DNAJC6: variants seen among roughly 807,000 people sequenced by gnomAD.
DNAJC6 encodes auxilin.
Under a neutral mutation model 110.0 loss-of-function variants are expected in DNAJC6, and 34 were observed. The ratio of observed to expected loss-of-function variants is 0.31; its 90% CI spans 0.24 to 0.41. The LOEUF (loss-of-function observed/expected upper bound fraction) is 0.41. Ranked by LOEUF, DNAJC6 falls within the 10% of genes least tolerant of loss-of-function variation. DNAJC6 has a pLI of 1.00. For synonymous variants in DNAJC6, 406 were observed against 437.2 expected (o/e 0.93, Z 0.89); for missense variants, 1,031 against 1,207.8 (o/e 0.85, Z 2.17).
At chr1:65,386,953 G>A in intron 8 of DNAJC6, 24 bp downstream of exon 8, 1 of 1,580,270 alleles carries the variant, frequency 6.3e-7, no homozygotes, top group Non-Finnish European at 8.7e-7. Context: ...AAGAATCATG[G>A]CATAAGTTCA....
intron 1 of DNAJC6, among the ~76,000 whole-genome samples, chr1:65,347,427 G>T (rs1645447334): frequency 1.3e-5 from 2 of 150,882 alleles, no homozygotes; most frequent in South Asian, 2.1e-4. Flanking sequence ...TACTTCATCA[G>T]CCTCAATTCC....
intron 7 of DNAJC6, 55 bp from the exon 8 acceptor site, chr1:65,386,757 G>T: frequency 2.1e-6 from 3 of 1,436,172 alleles, no homozygotes; most frequent in Non-Finnish European, 2.9e-6. Flanking sequence ...CTGTGTCTGT[G>T]TGATTGTACC....
At chr1:65,303,168 TA>T (rs1248256910) in intron 1 of DNAJC6, among the ~76,000 whole-genome samples, 1 of 152,192 alleles carries the variant, frequency 6.6e-6, no homozygotes, top group African/African-American at 2.4e-5. Flanking sequence ...GCTTCCAAAA[TA>T]AAGTTTTTTG....
At chr1:65,290,725 A>G (rs1040444955) in intron 1 of DNAJC6, among the ~76,000 whole-genome samples, 2 of 152,200 alleles carry the variant, frequency 1.3e-5, no homozygotes, top group African/African-American at 4.8e-5. Flanking sequence ...GATAATAATA[A>G]TATCCATCTT....
chr1:65,341,710 C>T (rs1183211042), intron 1 of DNAJC6, among the ~76,000 whole-genome samples: 2 of 152,106 alleles, frequency 1.3e-5, no homozygotes, highest in African/African-American at 4.8e-5. Flanking sequence ...GCTGCCACTA[C>T]CCCTGGAATG....
chr1:65,350,193 TCA>T (rs1645477937), intron 1 of DNAJC6, among the ~76,000 whole-genome samples: 1 of 152,192 alleles, frequency 6.6e-6, no homozygotes. Context: ...TGATGTTGTC[TCA>T]CAGGTCACTG....
intron 1 of DNAJC6, among the ~76,000 whole-genome samples, chr1:65,327,112 A>G (rs1645248512): frequency 6.6e-6 from 1 of 152,190 alleles, no homozygotes; most frequent in Non-Finnish European, 1.5e-5. Flanking sequence ...GAATGGGGAC[A>G]TTAGTGCTGG....
chr1:65,273,544 C>T (rs1345127931), intron 1 of DNAJC6, among the ~76,000 whole-genome samples: 2 of 151,294 alleles, frequency 1.3e-5, no homozygotes, highest in African/African-American at 4.9e-5. Flanking sequence ...TGCAGTGAGC[C>T]GAGATCACAC....
chr1:65,292,215 A>G (rs536178488), intron 1 of DNAJC6, among the ~76,000 whole-genome samples: 1 of 151,128 alleles, frequency 6.6e-6, no homozygotes, highest in African/African-American at 2.4e-5. Context: ...ACGGGGTTTC[A>G]CCATGTTGGC....
chr1:65,358,079 C>T (rs1434446264), intron 1 of DNAJC6, among the ~76,000 whole-genome samples: 9 of 150,110 alleles, frequency 6.0e-5, no homozygotes, highest in East Asian at 2.0e-4. Flanking sequence ...ATCGGGAGGC[C>T]GACGCAGGTG....
chr1:65,395,712 G>A (rs1278824308), intron 13 of DNAJC6, among the ~76,000 whole-genome samples: 1 of 152,076 alleles, frequency 6.6e-6, no homozygotes, highest in African/African-American at 2.4e-5. Context: ...TTTCAATAGT[G>A]TCTTTTTACT....
At chr1:65,323,305 A>G (rs961255630) in intron 1 of DNAJC6, among the ~76,000 whole-genome samples, 2 of 152,202 alleles carry the variant, frequency 1.3e-5, no homozygotes, top group African/African-American at 4.8e-5. Flanking sequence ...TGATTGAATC[A>G]TGGGGGCAGC....
chr1:65,404,057 AT>A (rs1646053503), intron 15 of DNAJC6, among the ~76,000 whole-genome samples: 1 of 152,240 alleles, frequency 6.6e-6, no homozygotes, highest in Admixed American at 6.5e-5. Context: ...TAAATATAAA[AT>A]GAAACCCCAG....
rs145217358 is a variant in DNAJC6, at chr1:65,382,935, G to A, written c.667-1258G>A. On this transcript the variant is annotated intron_variant, in intron 5 of 18. Transcript: ENST00000371069. ...GAAGGGATTGAGTTTGTTTTAAAAGGGAAATAGAAGCATTGATAGAAAGGG... is the reference window on the plus strand; with the variant it reads ...GAAGGGATTGAGTTTGTTTTAAAAGAGAAATAGAAGCATTGATAGAAAGGG... 4.3e-3 allele frequency among the ~76,000 whole-genome samples: 650 copies of A among 152,300 alleles called. 7 individuals are homozygous for A. The highest frequency in any genetic ancestry group is 0.015 in the African/African-American group (626 of 41,562).
rs538814563 is a variant in DNAJC6 at position 65,401,727 on chromosome 1, T to C, written c.2108-34T>C. The C allele has an allele frequency of 3.1e-6, 5 of 1,594,100 alleles. No individual in the cohort carries two copies. In the East Asian group the frequency reaches 9.0e-5, roughly 29 times the overall value. On this transcript the variant is annotated intron_variant, in intron 14 of 18. Coordinates refer to ENST00000371069, the MANE Select transcript of DNAJC6 (RefSeq NM_001256864.2). ...ATTTCACAATTCAGCCTCAAACAAC[T>C]AACTCATTTTCAATGACCTTATTTC...
chr1:65,357,574 G>A (rs147902378), intron 1 of DNAJC6, among the ~76,000 whole-genome samples: 1 of 152,300 alleles, frequency 6.6e-6, no homozygotes, highest in Non-Finnish European at 1.5e-5. Flanking sequence ...GAGTATTGAT[G>A]CTGGAGCTGA....
At chr1:65,373,051 AAAC>A (rs1422957715) in intron 4 of DNAJC6, among the ~76,000 whole-genome samples, 3 of 152,152 alleles carry the variant, frequency 2.0e-5, no homozygotes, top group Non-Finnish European at 4.4e-5. Context: ...TATGAGTAAA[AAAC>A]ATGCAATATT....
chr1:65,386,644 G>A (rs902227454), intron 7 of DNAJC6, among the ~76,000 whole-genome samples, 168 bp from the exon 8 acceptor site: 2 of 152,192 alleles, frequency 1.3e-5, no homozygotes, highest in Non-Finnish European at 2.9e-5. Context: ...TGCACAACCA[G>A]TTGGCACTGG....
At chr1:65,304,962 G>A (rs1645024113), upstream of DNAJC6, among the ~76,000 whole-genome samples, 1 of 152,272 alleles carries the variant, frequency 6.6e-6, no homozygotes, top group Non-Finnish European at 1.5e-5. Flanking sequence ...ATGGCTTGAT[G>A]TTCCCCAGTT....
Sources: gnomAD v4.1 joint callset for allele counts (sites outside exome capture counted in the v4.1 genomes callset) on GRCh38, gnomAD v4.1.1 for gene constraint, MANE v1.5 for transcripts, NCBI Gene and HGNC (gene_info 2026-07-23, HGNC 2026-07-21) for gene names.